The following FBXO40 variants were observed in gnomAD, a reference collection of about 807,000 sequenced individuals.
The protein encoded by FBXO40 is F-box only protein 40.
In FBXO40, 50 loss-of-function variants were observed where a neutral mutation model predicts 49.9. The ratio of observed to expected loss-of-function variants is 1.00; its 90% CI spans 0.80 to 1.27. FBXO40 has a LOEUF of 1.27. FBXO40 is among the 50% of genes most tolerant of loss of function. The pLI, the probability that FBXO40 is intolerant of heterozygous loss-of-function variation, is 0.00. For synonymous variants in FBXO40, 340 were observed against 320.2 expected (o/e 1.06, Z -0.66); for missense variants, 895 against 870.1 (o/e 1.03, Z -0.36).
Position 121,622,922 on chromosome 3 carries a change from A to T in FBXO40, c.1493A>T (p.Asp498Val), listed in dbSNP as rs2049042006. The change falls in exon 3 of 4, where the codon GAC becomes GTC. Residue 498 changes from aspartate to valine, a missense_variant. Asp to Val is a radical substitution (Grantham distance 152). Coordinates refer to ENST00000338040, the MANE Select transcript of FBXO40 (RefSeq NM_016298.4). ...CTGCACTTCAAGAATGTCCACACAGACATTCAGTCATGTCTCAATGGCTGG... is the reference window on the plus strand; with the variant it reads ...CTGCACTTCAAGAATGTCCACACAGTCATTCAGTCATGTCTCAATGGCTGG... ...FPLHFKNVHTDIQSCLNGWFQ... is the reference protein window; with the variant it reads ...FPLHFKNVHTVIQSCLNGWFQ... The T allele has an allele frequency of 2.5e-6, 4 of 1,614,198 alleles. No individual in the cohort carries two copies. Among genetic ancestry groups the T allele is most frequent in the Non-Finnish European group, 3.4e-6 (4 of 1,180,038 alleles).
chr3:121,608,656 C>T (rs1185663155), intron 1 of FBXO40, among the ~76,000 whole-genome samples: 3 of 152,136 alleles, frequency 2.0e-5, no homozygotes, highest in Admixed American at 1.3e-4. Flanking sequence ...GCTTCTAGGA[C>T]CCCCTGGACT....
In FBXO40 at chr3:121,622,135, G is replaced by A; in HGVS notation, c.706G>A (p.Ala236Thr). ...HAASALTNSS[A>T]SCESKNKNDS... ...AGCCTCTGCTTTAACAAATTCATCAGCGAGCTGTGAGAGCAAGAACAAGAA... is the reference window on the plus strand; with the variant it reads ...AGCCTCTGCTTTAACAAATTCATCAACGAGCTGTGAGAGCAAGAACAAGAA... The change falls in exon 3 of 4, where the codon GCG becomes ACG. Residue 236 changes from alanine to threonine, a missense_variant. Physicochemically the swap from Ala to Thr is moderately conservative, Grantham distance 58 (BLOSUM62 0). Transcript: ENST00000338040. The A allele has an allele frequency of 1.2e-6, 2 of 1,614,174 alleles. No individual in the cohort carries two copies. Among genetic ancestry groups the A allele is most frequent in the Non-Finnish European group, 1.7e-6 (2 of 1,180,028 alleles).
chr3:121,601,105 G>A (rs919726330), intron 1 of FBXO40, among the ~76,000 whole-genome samples: 2 of 152,138 alleles, frequency 1.3e-5, no homozygotes, highest in African/African-American at 4.8e-5. Flanking sequence ...TGCTAAACCA[G>A]GAGAGTCCTA....
At chr3:121,598,577 G>T (rs1351182238) in intron 1 of FBXO40, among the ~76,000 whole-genome samples, 1 of 152,210 alleles carries the variant, frequency 6.6e-6, no homozygotes, top group Non-Finnish European at 1.5e-5. Context: ...GACCTGGTGT[G>T]TGAACTGAGA....
intron 1 of FBXO40, among the ~76,000 whole-genome samples, chr3:121,594,380 T>C (rs1432762134): frequency 1.3e-5 from 2 of 151,674 alleles, no homozygotes; most frequent in Non-Finnish European, 2.9e-5. Flanking sequence ...TTTGTATTTT[T>C]AGTAGAGATG....
intron 3 of FBXO40, among the ~76,000 whole-genome samples, chr3:121,625,230 C>T (rs759076092): frequency 6.6e-6 from 1 of 152,164 alleles, no homozygotes; most frequent in Non-Finnish European, 1.5e-5. Flanking sequence ...TTCATCATAT[C>T]CCAGTGCCTG....
chr3:121,600,861 G>A lies in FBXO40; in HGVS notation c.-31+7359G>A, dbSNP rs145032497. ...GCCTCCGTGACACCCAAAATGCAGA[G>A]AAATCTCTCAATCTAGGAAAGTCAC... On this transcript the variant is annotated intron_variant, in intron 1 of 3. Coordinates refer to ENST00000338040, the MANE Select transcript of FBXO40 (RefSeq NM_016298.4). Among the ~76,000 whole-genome samples, 487 of 152,318 alleles carry A rather than the reference G, an allele frequency of 3.2e-3. 4 individuals are homozygous for A. Among genetic ancestry groups the A allele is most frequent in the African/African-American group, 0.011 (469 of 41,558 alleles).
chr3:121,598,207 T>C (rs1202743283), intron 1 of FBXO40, among the ~76,000 whole-genome samples: 17 of 152,020 alleles, frequency 1.1e-4, no homozygotes, highest in Admixed American at 9.2e-4. Flanking sequence ...CTGGAATAAG[T>C]GACAAGACCA....
At chr3:121,614,591 C>T (rs895494025) in intron 1 of FBXO40, among the ~76,000 whole-genome samples, 2 of 152,174 alleles carry the variant, frequency 1.3e-5, no homozygotes, top group African/African-American at 4.8e-5. Flanking sequence ...GTGGATTACT[C>T]CCAAGGAGTT....
At position 121,621,422 on chromosome 3, in the gene FBXO40, G is replaced by T. The variant is rs975427785; in HGVS notation, c.4-11G>T. On this transcript the variant is annotated splice_polypyrimidine_tract_variant and intron_variant, in intron 2 of 3. Transcript: ENST00000338040. ...CATTTGTTTTCTTCCCCCTGTCCTTGGTGTGTCCAGGGGAAAGCCCGCAGA... is the reference window on the plus strand; with the variant it reads ...CATTTGTTTTCTTCCCCCTGTCCTTTGTGTGTCCAGGGGAAAGCCCGCAGA... 1 of 1,600,854 alleles carries T rather than the reference G, an allele frequency of 6.2e-7. No homozygotes were observed. The highest frequency in any genetic ancestry group is 8.5e-7 in the Non-Finnish European group (1 of 1,170,694).
intron 1 of FBXO40, among the ~76,000 whole-genome samples, chr3:121,605,338 G>A (rs558960844): frequency 2.2e-4 from 34 of 152,346 alleles, no homozygotes; most frequent in African/African-American, 7.7e-4. Flanking sequence ...CCAAAGATTG[G>A]TGCCACATAT....
chr3:121,624,451 T>C (rs1452604177), intron 3 of FBXO40, among the ~76,000 whole-genome samples: 1 of 152,152 alleles, frequency 6.6e-6, no homozygotes, highest in African/African-American at 2.4e-5. Flanking sequence ...GTGTGCTGAA[T>C]ATCTTCTGTT....
At chr3:121,606,093 C>T (rs1192040211) in intron 1 of FBXO40, among the ~76,000 whole-genome samples, 1 of 152,190 alleles carries the variant, frequency 6.6e-6, no homozygotes, top group Non-Finnish European at 1.5e-5. Context: ...CAGACTCATA[C>T]CAGTAAAAGT....
intron 3 of FBXO40, among the ~76,000 whole-genome samples, chr3:121,624,085 GGTTCAA>G (rs1241078384): frequency 6.8e-6 from 1 of 146,966 alleles, no homozygotes; most frequent in Admixed American, 6.9e-5. Flanking sequence ...CTGCCTCCCA[GGTTCAA>G]GCAATTCTCC....
At chr3:121,626,075 C>T (rs2049060431) in intron 3 of FBXO40, among the ~76,000 whole-genome samples, 1 of 152,150 alleles carries the variant, frequency 6.6e-6, no homozygotes, top group Non-Finnish European at 1.5e-5. Context: ...CCTAAAGTGG[C>T]ATAAACAATA....
rs1357466030 is a variant in FBXO40 at position 121,621,414 on chromosome 3, CT to C, written c.4-18del. On this transcript the variant is annotated intron_variant, in intron 2 of 3. Transcript: ENST00000338040. ...TCAGTATTCATTTGTTTTCTTCCCC[CT>C]GTCCTTGGTGTGTCCAGGGGAAAGC... 3.1e-6 allele frequency: 5 copies of C among 1,591,024 alleles called. No individual in the cohort carries two copies. The highest frequency in any genetic ancestry group is 4.3e-6 in the Non-Finnish European group (5 of 1,164,846).
In FBXO40 at chr3:121,622,551, A is replaced by G; in HGVS notation, c.1122A>G (p.Glu374=). 8 of 1,614,224 alleles carry G rather than the reference A, an allele frequency of 5.0e-6. No individual in the cohort carries two copies. Among genetic ancestry groups the G allele is most frequent in the Non-Finnish European group, 6.8e-6 (8 of 1,180,046 alleles). The change falls in exon 3 of 4, where the codon GAA becomes GAG. Residue 374 remains glutamate (E), a synonymous_variant. Coordinates refer to ENST00000338040, the MANE Select transcript of FBXO40 (RefSeq NM_016298.4). ...CCATGTTGAGTTGTAAGCCAAGTGA[A>G]CACAAGGCAGTGGATACTTCAGATT... ...GDAMLSCKPS[E]HKAVDTSDLG...
chr3:121,610,666 G>A (rs1283892704), intron 1 of FBXO40, among the ~76,000 whole-genome samples: 2 of 152,092 alleles, frequency 1.3e-5, no homozygotes, highest in East Asian at 1.9e-4. Flanking sequence ...TCAAGACGGA[G>A]TCTTACTCTG....
At chr3:121,606,347 C>T (rs1429472418) in intron 1 of FBXO40, among the ~76,000 whole-genome samples, 1 of 152,166 alleles carries the variant, frequency 6.6e-6, no homozygotes, top group East Asian at 1.9e-4. Flanking sequence ...CCATAAGAAA[C>T]AGGTTTAATT....
Sources: allele counts gnomAD v4.1 joint callset (sites outside exome capture counted in the v4.1 genomes callset), GRCh38; gene constraint gnomAD v4.1.1; transcripts MANE v1.5; gene names NCBI Gene and HGNC (gene_info 2026-07-23, HGNC 2026-07-21).